Variants in DGKI observed in about 807,000 individuals in gnomAD.
The protein encoded by DGKI is DAG kinase iota.
A neutral mutation model predicts 147.5 loss-of-function variants in DGKI; 55 were observed. The observed-to-expected ratio is 0.37, with a 90% CI of 0.30 to 0.47. DGKI has a LOEUF of 0.47. Among genes scored for constraint, DGKI ranks in the 20% least tolerant of loss-of-function variants. The probability of loss-of-function intolerance (pLI) is 1.00; values close to 1 mark genes in which losing one functional copy is unlikely to be tolerated. For missense variants in DGKI, 1,007 were observed against 1,323.8 expected (o/e 0.76, Z 3.71); for synonymous variants, 469 against 477.1 (o/e 0.98, Z 0.22).
chr7:137,640,094 C>T (rs893828047), intron 6 of DGKI, among the ~76,000 whole-genome samples: 5 of 151,470 alleles, frequency 3.3e-5, no homozygotes, highest in African/African-American at 1.2e-4. Flanking sequence ...TTGTTAATTA[C>T]AGGCACTATG....
chr7:137,629,239 C>A lies in DGKI; in HGVS notation c.805-5685G>T, dbSNP rs147494181. ...TATGATTTTTGAAAAAAAAAAAGTA[C>A]TTTTATGTATTTTATATTTCATCTC... is the stretch of plus-strand genomic sequence containing the variant. On this transcript the variant is annotated intron_variant, in intron 6 of 32. Transcript: ENST00000614521. Among the ~76,000 whole-genome samples the A allele has an allele frequency of 7.0e-3, 1,059 of 151,532 alleles. 15 individuals are homozygous for A. Among genetic ancestry groups the A allele is most frequent in the African/African-American group, 0.024 (999 of 41,276 alleles).
At chr7:137,788,698 T>TAC (rs1214296288) in intron 1 of DGKI, among the ~76,000 whole-genome samples, 1 of 147,498 alleles carries the variant, frequency 6.8e-6, no homozygotes, top group Non-Finnish European at 1.5e-5. Context: ...CCCCCTGCCA[T>TAC]ACACACACAC....
chr7:137,582,072 G>A, intron 14 of DGKI, 144 bp from the exon 15 acceptor site: 1 of 513,120 alleles, frequency 1.9e-6, no homozygotes, highest in East Asian at 2.8e-5. Context: ...TGCTTATGTA[G>A]AAAGAACAGG....
intron 19 of DGKI, among the ~76,000 whole-genome samples, chr7:137,569,020 C>CAG (rs1383890171): frequency 3.3e-5 from 5 of 151,844 alleles, no homozygotes; most frequent in Non-Finnish European, 5.9e-5. Context: ...AAGTACATTT[C>CAG]AGAGAGAGAG....
chr7:137,554,488 T>C (rs1818154724), intron 19 of DGKI, among the ~76,000 whole-genome samples: 1 of 152,202 alleles, frequency 6.6e-6, no homozygotes, highest in African/African-American at 2.4e-5. Context: ...ACTGAGACAG[T>C]CCCTGACCTA....
chr7:137,702,128 C>T (rs1470549917), intron 1 of DGKI, among the ~76,000 whole-genome samples: 1 of 152,102 alleles, frequency 6.6e-6, no homozygotes, highest in Non-Finnish European at 1.5e-5. Flanking sequence ...CCCTATCTCA[C>T]ATTATACAGA....
At chr7:137,610,118 A>C (rs1443129674) in intron 8 of DGKI, among the ~76,000 whole-genome samples, 1 of 151,056 alleles carries the variant, frequency 6.6e-6, no homozygotes. Flanking sequence ...TCATAAAGTG[A>C]CTCTTGACCC....
At chr7:137,722,904 G>A (rs200117699) in intron 1 of DGKI, 8 of 602,260 alleles carry the variant, frequency 1.3e-5, no homozygotes, top group Non-Finnish European at 2.2e-5. Flanking sequence ...AAAAAAAAAA[G>A]TATAGCATAG....
intron 1 of DGKI, among the ~76,000 whole-genome samples, chr7:137,838,680 A>G (rs959298914): frequency 6.6e-6 from 1 of 152,146 alleles, no homozygotes; most frequent in Admixed American, 6.5e-5. Flanking sequence ...TGCCTTTTTT[A>G]GGGGAAAAAA....
At chr7:137,551,441 G>C (rs1317428242) in intron 20 of DGKI, among the ~76,000 whole-genome samples, 2 of 152,184 alleles carry the variant, frequency 1.3e-5, no homozygotes, top group Non-Finnish European at 1.5e-5. Context: ...CAGCCACTCA[G>C]TGCAAATAGG....
intron 14 of DGKI, among the ~76,000 whole-genome samples, chr7:137,582,434 C>A (rs1728458): frequency 0.043 from 6,333 of 148,338 alleles, 220 homozygotes; most frequent in African/African-American, 0.094. Flanking sequence ...CTCTCTCTCT[C>A]TATATATATA....
At chr7:137,620,013 A>ACACACT in intron 7 of DGKI, 73 bp from the exon 8 acceptor site, 16 of 717,286 alleles carry the variant, frequency 2.2e-5, no homozygotes, top group East Asian at 5.4e-5. Context: ...ATAAATATGT[A>ACACACT]CACACGCACA....
intron 28 of DGKI, among the ~76,000 whole-genome samples, chr7:137,438,578 G>T (rs1161074075): frequency 6.6e-6 from 1 of 152,020 alleles, no homozygotes; most frequent in Non-Finnish European, 1.5e-5. Flanking sequence ...CTATTCCCAG[G>T]TTTAAGCGCA....
chr7:137,433,423 G>A lies in DGKI; in HGVS notation c.2761+10654C>T, dbSNP rs866799527. On this transcript the variant is annotated intron_variant, in intron 28 of 32. Transcript: ENST00000614521. Reference sequence around the variant, plus strand: ...CTTTGCAAGAGGAGGCCACCAAAACGATAAAACAAGCTCTAGGTAGAGGAG... The same window carrying A: ...CTTTGCAAGAGGAGGCCACCAAAACAATAAAACAAGCTCTAGGTAGAGGAG... Among the ~76,000 whole-genome samples, 4 of 152,136 alleles carry A rather than the reference G, an allele frequency of 2.6e-5. No individual in the cohort carries two copies. The South Asian group carries it at 6.2e-4, about 24-fold the overall frequency.
chr7:137,455,604 G>GC (rs1814161968), intron 27 of DGKI, among the ~76,000 whole-genome samples: 1 of 120,590 alleles, frequency 8.3e-6, no homozygotes. Flanking sequence ...TATGTGTGAT[G>GC]CCTGGCACAA....
chr7:137,648,653 A>T (rs1002508620), intron 5 of DGKI, among the ~76,000 whole-genome samples: 7 of 152,200 alleles, frequency 4.6e-5, no homozygotes, highest in African/African-American at 1.7e-4. Context: ...TCGTCGTGCT[A>T]CTCAGAACAG....
At chr7:137,822,652 C>A (rs1340702628) in intron 1 of DGKI, among the ~76,000 whole-genome samples, 2 of 151,926 alleles carry the variant, frequency 1.3e-5, no homozygotes, top group African/African-American at 2.4e-5. Context: ...ATTTGAACAG[C>A]CTCCAATGTA....
chr7:137,641,633 G>T (rs534438013), intron 6 of DGKI, among the ~76,000 whole-genome samples: 1 of 152,108 alleles, frequency 6.6e-6, no homozygotes, highest in Non-Finnish European at 1.5e-5. Context: ...TTATGTATAC[G>T]CAAATGTTCC....
At chr7:137,482,904 G>C (rs550650017) in intron 23 of DGKI, among the ~76,000 whole-genome samples, 2 of 152,050 alleles carry the variant, frequency 1.3e-5, no homozygotes, top group South Asian at 2.1e-4. Context: ...GGGAAAAGGT[G>C]ACACCTCTGA....
Sources: allele counts gnomAD v4.1 joint callset (sites outside exome capture counted in the v4.1 genomes callset), GRCh38; gene constraint gnomAD v4.1.1; transcripts MANE v1.5; gene names NCBI Gene and HGNC (gene_info 2026-07-23, HGNC 2026-07-21).